Variants in ZFYVE28 observed in about 807,000 individuals in gnomAD.
ZFYVE28 encodes lateral signaling target protein 2 homolog.
Under a neutral mutation model 82.1 loss-of-function variants are expected in ZFYVE28, and 40 were observed. The ratio of observed to expected loss-of-function variants is 0.49; its 90% CI spans 0.38 to 0.63. The LOEUF (loss-of-function observed/expected upper bound fraction) is 0.63, where lower values mean the gene tolerates loss of function less well. Ranked by LOEUF, ZFYVE28 falls within the 30% of genes least tolerant of loss-of-function variation. The pLI is 0.00. For synonymous variants in ZFYVE28, 612 were observed against 546.1 expected, an observed-to-expected ratio of 1.12 and a Z score of -1.68; for missense variants, 1,321 against 1,242.1, an observed-to-expected ratio of 1.06 and a Z score of -0.96.
chr4:2,355,214 A>T (rs1162533280), intron 1 of ZFYVE28, among the ~76,000 whole-genome samples: 1 of 2,588 alleles, frequency 3.9e-4, no homozygotes, highest in East Asian at 0.013. Context: ...ATATATATAT[A>T]TATATATATA....
At chr4:2,323,650 G>A (rs1369709993) in intron 6 of ZFYVE28, among the ~76,000 whole-genome samples, 2 of 150,400 alleles carry the variant, frequency 1.3e-5, no homozygotes, top group Non-Finnish European at 3.0e-5. Context: ...CCATTAACTC[G>A]TCATCTAGCA....
chr4:2,381,286 C>T (rs190429192), intron 1 of ZFYVE28, among the ~76,000 whole-genome samples: 33 of 152,210 alleles, frequency 2.2e-4, no homozygotes, highest in East Asian at 7.7e-4. Flanking sequence ...AGGGTATCTG[C>T]GGGAAGAAAT....
Position 2,302,887 on chromosome 4 carries a change from G to A in ZFYVE28, c.2051+1402C>T, listed in dbSNP as rs182777049. On this transcript the variant is annotated intron_variant, in intron 8 of 12. Transcript: ENST00000290974. Reference sequence around the variant, plus strand: ...AGGTCACACACCACAGATGTTTCTCGACTTAACCCATCGTATCCTAAGTCA... The same window carrying A: ...AGGTCACACACCACAGATGTTTCTCAACTTAACCCATCGTATCCTAAGTCA... Among the ~76,000 whole-genome samples, 6 of 152,324 alleles carry A rather than the reference G, an allele frequency of 3.9e-5. No homozygotes were observed. The East Asian group carries it at 7.7e-4, about 20-fold the overall frequency.
At chr4:2,292,547 C>T (rs117864907) in intron 8 of ZFYVE28, among the ~76,000 whole-genome samples, 18 of 152,242 alleles carry the variant, frequency 1.2e-4, no homozygotes, top group South Asian at 8.3e-4. Context: ...TCTGAGGGGA[C>T]GTCAGGAGGA....
chr4:2,353,516 G>A (rs969503531), intron 2 of ZFYVE28, among the ~76,000 whole-genome samples: 6 of 152,154 alleles, frequency 3.9e-5, no homozygotes, highest in Non-Finnish European at 7.3e-5. Flanking sequence ...ATTTTTAGCG[G>A]CAGCTTCCAG....
At chr4:2,323,567 A>C (rs1021387048) in intron 6 of ZFYVE28, among the ~76,000 whole-genome samples, 2 of 151,690 alleles carry the variant, frequency 1.3e-5, no homozygotes, top group Non-Finnish European at 2.9e-5. Flanking sequence ...TTATACTTTA[A>C]GTTTTAGGGT....
At chr4:2,380,334 T>C (rs1168498805) in intron 1 of ZFYVE28, among the ~76,000 whole-genome samples, 3 of 152,230 alleles carry the variant, frequency 2.0e-5, no homozygotes, top group Admixed American at 2.0e-4. Context: ...AAACCTGCTC[T>C]CATGGCTGAG....
At chr4:2,360,647 C>T (rs1172739042) in intron 1 of ZFYVE28, among the ~76,000 whole-genome samples, 1 of 152,192 alleles carries the variant, frequency 6.6e-6, no homozygotes, top group Middle Eastern at 3.4e-3. Context: ...AGGCAGGGGT[C>T]CCAGGAAATG....
chr4:2,304,924 G>T lies in ZFYVE28; in HGVS notation c.1416C>A (p.Ser472Arg). 1 of 1,612,722 alleles carries T rather than the reference G, an allele frequency of 6.2e-7. No individual in the cohort carries two copies. The highest frequency in any genetic ancestry group is 8.5e-7 in the Non-Finnish European group (1 of 1,179,874). ...NLEAEGTDGASLAGTSSCSCL... is the reference protein window; with the variant it reads ...NLEAEGTDGARLAGTSSCSCL... ...AGCTGCAGGAGCTGGTGCCCGCGAG[G>T]CTGGCCCCATCTGTGCCCTCGGCCT... Residue 472 changes from serine (S) to arginine (R), a missense_variant, in exon 8 of 13, where the codon AGC (serine) becomes AGA (arginine). Physicochemically the swap from Ser to Arg is moderately radical, Grantham distance 110 (BLOSUM62 -1). Coordinates refer to ENST00000290974, the MANE Select transcript of ZFYVE28 (RefSeq NM_020972.3).
At position 2,391,739 on chromosome 4, in the gene ZFYVE28, TC is replaced by T. The variant is rs201800155; in HGVS notation, c.39+26545del. Among the ~76,000 whole-genome samples the T allele has an allele frequency of 8.6e-3, 328 of 38,178 alleles. 12 individuals carry two copies. Among genetic ancestry groups the T allele is most frequent in the African/African-American group, 0.015 (276 of 18,700 alleles). The allele number at this position is 38,178 out of a possible 152,430, so 25.0% of individuals were successfully genotyped here. A position where few individuals can be genotyped will look rare whatever the true frequency, so the allele number is the denominator to read the frequency against. On this transcript the variant is annotated intron_variant, in intron 1 of 12. Coordinates refer to ENST00000290974, the MANE Select transcript of ZFYVE28 (RefSeq NM_020972.3). ...GCTTCCTGTAAGTCAATTCTCTCTC[TC>T]TTTTTTTTTTTTTGTGACTGAGTCT...
intron 1 of ZFYVE28, among the ~76,000 whole-genome samples, chr4:2,370,685 TC>T (rs1727445543): frequency 6.6e-6 from 1 of 152,096 alleles, no homozygotes; most frequent in Non-Finnish European, 1.5e-5. Flanking sequence ...GAGGGGTGTC[TC>T]CCATGCCTGC....
At chr4:2,401,682 T>G (rs1357577275) in intron 1 of ZFYVE28, among the ~76,000 whole-genome samples, 1 of 151,888 alleles carries the variant, frequency 6.6e-6, no homozygotes, top group Non-Finnish European at 1.5e-5. Flanking sequence ...CCAAAAGGAG[T>G]GCCTCCTTGC....
At chr4:2,384,142 A>G (rs1022017215) in intron 1 of ZFYVE28, among the ~76,000 whole-genome samples, 7 of 152,188 alleles carry the variant, frequency 4.6e-5, no homozygotes, top group Admixed American at 3.9e-4. Flanking sequence ...TTCTACCCAC[A>G]GGGAAGAGGC....
At chr4:2,282,410 C>T (rs1170618296) in intron 8 of ZFYVE28, among the ~76,000 whole-genome samples, 1 of 152,156 alleles carries the variant, frequency 6.6e-6, no homozygotes, top group African/African-American at 2.4e-5. Flanking sequence ...CCAAAGTGCT[C>T]CTCTTGAACA....
intron 1 of ZFYVE28, among the ~76,000 whole-genome samples, chr4:2,354,319 T>C (rs1382727947): frequency 6.6e-6 from 1 of 152,116 alleles, no homozygotes; most frequent in Non-Finnish European, 1.5e-5. Flanking sequence ...CCCAGGACTG[T>C]GGGGAATCCA....
intron 9 of ZFYVE28, among the ~76,000 whole-genome samples, chr4:2,273,818 C>A (rs1046447671): frequency 9.2e-5 from 14 of 152,062 alleles, no homozygotes; most frequent in African/African-American, 3.4e-4. Context: ...CACCCCACTG[C>A]CCCCGCCGCC....
intron 9 of ZFYVE28, 140 bp downstream of exon 9, chr4:2,273,922 G>C (rs1322870263): frequency 1.2e-5 from 11 of 951,714 alleles, no homozygotes; most frequent in Middle Eastern, 2.4e-4. Flanking sequence ...ATGAACAGGA[G>C]TGCTGGCTCC....
At chr4:2,328,180 G>GTTTTCTTT (rs1720154324) in intron 6 of ZFYVE28, among the ~76,000 whole-genome samples, 1 of 152,136 alleles carries the variant, frequency 6.6e-6, no homozygotes, top group East Asian at 1.9e-4. Context: ...GATGAATAAA[G>GTTTTCTTT]AAAATGTGGT....
chr4:2,375,080 T>C (rs937411327), intron 1 of ZFYVE28, among the ~76,000 whole-genome samples: 1 of 152,198 alleles, frequency 6.6e-6, no homozygotes, highest in Non-Finnish European at 1.5e-5. Flanking sequence ...AGACCTCCAG[T>C]ACAAAGCTCT....
Sources: allele counts gnomAD v4.1 joint callset (sites outside exome capture counted in the v4.1 genomes callset), GRCh38; gene constraint gnomAD v4.1.1; transcripts MANE v1.5; gene names NCBI Gene and HGNC (gene_info 2026-07-23, HGNC 2026-07-21).